LRP1B: variants seen among roughly 807,000 people sequenced by gnomAD.
LRP1B encodes low-density lipoprotein receptor-related protein 1B.
A neutral mutation model predicts 556.6 loss-of-function variants in LRP1B; 217 were observed. The observed-to-expected ratio is 0.39, with a 90% CI of 0.35 to 0.44. LRP1B has a LOEUF of 0.44. Ranked by LOEUF, LRP1B falls within the 20% of genes least tolerant of loss-of-function variation. LRP1B has a pLI of 1.00. For synonymous variants in LRP1B, 2,047 were observed against 1,865.8 expected (o/e 1.10, Z -2.50); for missense variants, 5,053 against 5,620.8 (o/e 0.90, Z 3.23).
At chr2:140,930,087 A>G (rs1451079829) in intron 20 of LRP1B, among the ~76,000 whole-genome samples, 3 of 152,060 alleles carry the variant, frequency 2.0e-5, no homozygotes. Context: ...ATGGTTCCCC[A>G]GAGTCCCAGT....
At chr2:140,844,748 C>CAACACTGCA (rs1692223899) in intron 29 of LRP1B, among the ~76,000 whole-genome samples, 1 of 151,988 alleles carries the variant, frequency 6.6e-6, no homozygotes, top group East Asian at 1.9e-4. Flanking sequence ...CCTTTATTGC[C>CAACACTGCA]ACAACACTGA....
rs137891550 is a variant in LRP1B at position 140,293,485 on chromosome 2, C to G, written c.12967+4323G>C. Among the ~76,000 whole-genome samples, 3 of 152,262 alleles carry G rather than the reference C, an allele frequency of 2.0e-5. No homozygotes were observed. In the East Asian group the frequency reaches 5.8e-4, roughly 29 times the overall value. ...TTAATTTGCATTTCAGACCTCAGGA[C>G]TTTATATTGCTATTAGAGTTATGAA... On this transcript the variant is annotated intron_variant, in intron 84 of 90. Coordinates refer to ENST00000389484, the MANE Select transcript of LRP1B (RefSeq NM_018557.3).
chr2:140,615,553 G>T (rs2105236419), intron 41 of LRP1B, among the ~76,000 whole-genome samples: 1 of 152,236 alleles, frequency 6.6e-6, no homozygotes, highest in Middle Eastern at 3.4e-3. Context: ...ACTTGGTTAT[G>T]CTTAAAGATT....
intron 3 of LRP1B, among the ~76,000 whole-genome samples, chr2:141,472,783 A>C (rs1235006462): frequency 2.1e-5 from 3 of 144,154 alleles, no homozygotes. Context: ...GATCATTTCT[A>C]AACTACTAGT....
chr2:140,492,786 C>T lies in LRP1B; in HGVS notation c.9035-93G>A, dbSNP rs1013353550. ...GTTTAGTTTAGCAGCAATGTGATTT[C>T]AAATGCAGTGCTGATCTGGTAGCTT... On this transcript the variant is annotated intron_variant, in intron 56 of 90. Transcript: ENST00000389484. 34 of 852,612 alleles carry T rather than the reference C, an allele frequency of 4.0e-5. No individual in the cohort carries two copies. In the African/African-American group the frequency reaches 5.1e-4, roughly 13 times the overall value. 52.8% of individuals were successfully genotyped at this position (852,612 alleles called of 1,614,324 possible).
chr2:141,350,048 G>T (rs1426952040), intron 3 of LRP1B, among the ~76,000 whole-genome samples: 1 of 152,036 alleles, frequency 6.6e-6, no homozygotes, highest in Non-Finnish European at 1.5e-5. Context: ...GAGAGTTTGT[G>T]CAGGGAAACT....
At chr2:140,959,900 A>C (rs974879447) in intron 18 of LRP1B, among the ~76,000 whole-genome samples, 3 of 151,778 alleles carry the variant, frequency 2.0e-5, no homozygotes, top group African/African-American at 7.2e-5. Context: ...CACTGCAATT[A>C]TTCACTATAG....
At chr2:140,938,290 T>A (rs1205296403) in intron 20 of LRP1B, among the ~76,000 whole-genome samples, 1 of 151,966 alleles carries the variant, frequency 6.6e-6, no homozygotes, top group African/African-American at 2.4e-5. Flanking sequence ...ATGTCCAAAC[T>A]ATCACAATGA....
At chr2:141,087,405 C>T (rs1676865343) in intron 7 of LRP1B, among the ~76,000 whole-genome samples, 1 of 152,130 alleles carries the variant, frequency 6.6e-6, no homozygotes, top group African/African-American at 2.4e-5. Context: ...AGATGTATCC[C>T]ACCTATGTAA....
chr2:141,538,912 T>C (rs1356563977), intron 2 of LRP1B, among the ~76,000 whole-genome samples: 1 of 152,218 alleles, frequency 6.6e-6, no homozygotes, highest in Non-Finnish European at 1.5e-5. Flanking sequence ...ATGCTGGGAT[T>C]ACAGGTGTGA....
intron 7 of LRP1B, among the ~76,000 whole-genome samples, chr2:141,140,449 C>A (rs2105053995): frequency 6.6e-6 from 1 of 152,106 alleles, no homozygotes; most frequent in East Asian, 1.9e-4. Flanking sequence ...AATATTGAAG[C>A]CCTAGTCTGA....
intron 3 of LRP1B, among the ~76,000 whole-genome samples, chr2:141,457,525 AATC>A (rs1464432785): frequency 1.3e-5 from 2 of 152,168 alleles, no homozygotes; most frequent in Non-Finnish European, 2.9e-5. Flanking sequence ...AGATGCAGCA[AATC>A]ATCATGGCAC....
intron 2 of LRP1B, 42 bp downstream of exon 2, chr2:141,810,237 A>G (rs760011397): frequency 2.5e-6 from 4 of 1,601,642 alleles, no homozygotes; most frequent in African/African-American, 1.3e-5. Context: ...TTAGTTTCAC[A>G]TGTAAGGTAA....
intron 2 of LRP1B, among the ~76,000 whole-genome samples, chr2:141,639,220 A>C (rs1264182166): frequency 7.2e-6 from 1 of 138,578 alleles, no homozygotes; most frequent in African/African-American, 2.7e-5. Flanking sequence ...TGGTCTTTGC[A>C]TGGTCTCTTC....
intron 2 of LRP1B, among the ~76,000 whole-genome samples, chr2:141,496,824 G>C (rs774449785): frequency 1.8e-4 from 28 of 151,858 alleles, no homozygotes; most frequent in South Asian, 4.1e-4. Flanking sequence ...TAAAATGTGA[G>C]AAATTATGAA....
intron 43 of LRP1B, among the ~76,000 whole-genome samples, chr2:140,573,629 G>A (rs1207559022): frequency 6.6e-6 from 1 of 151,962 alleles, no homozygotes; most frequent in Non-Finnish European, 1.5e-5. Context: ...GGAAAACAAA[G>A]GTAGAGAATA....
intron 20 of LRP1B, among the ~76,000 whole-genome samples, chr2:140,937,608 T>C (rs1189038713): frequency 1.3e-5 from 2 of 152,128 alleles, no homozygotes; most frequent in Non-Finnish European, 2.9e-5. Flanking sequence ...AATTTTGTGC[T>C]ATGAGTATTT....
At chr2:140,469,026 G>A (rs1207507921) in intron 60 of LRP1B, among the ~76,000 whole-genome samples, 1 of 152,134 alleles carries the variant, frequency 6.6e-6, no homozygotes, top group Non-Finnish European at 1.5e-5. Flanking sequence ...AGACTTTTGA[G>A]TTAGTGTTGG....
At chr2:141,596,714 A>G (rs1422506918) in intron 2 of LRP1B, among the ~76,000 whole-genome samples, 1 of 152,066 alleles carries the variant, frequency 6.6e-6, no homozygotes, top group Non-Finnish European at 1.5e-5. Context: ...AAGAGACTTC[A>G]GTGCAAAGCA....
Sources: allele counts gnomAD v4.1 joint callset (sites outside exome capture counted in the v4.1 genomes callset), GRCh38; gene constraint gnomAD v4.1.1; transcripts MANE v1.5; gene names NCBI Gene and HGNC (gene_info 2026-07-23, HGNC 2026-07-21).